XKR4: variants seen among roughly 807,000 people sequenced by gnomAD.
XKR4 encodes the protein XK related 4, also known as XK-related protein 4.
A neutral mutation model predicts 53.9 loss-of-function variants in XKR4; 12 were observed. The observed-to-expected ratio is 0.22, with a 90% CI of 0.14 to 0.36. XKR4 has a LOEUF of 0.36. Among genes scored for constraint, XKR4 ranks in the 10% least tolerant of loss-of-function variants. The probability of loss-of-function intolerance (pLI) is 1.00; values close to 1 mark genes in which losing one functional copy is unlikely to be tolerated. For synonymous variants in XKR4, 354 were observed against 362.4 expected (o/e 0.98, Z 0.26); for missense variants, 799 against 859.5 (o/e 0.93, Z 0.88).
chr8:55,235,618 C>T (rs1331933369), intron 1 of XKR4, among the ~76,000 whole-genome samples: 6 of 152,060 alleles, frequency 3.9e-5, no homozygotes, highest in Non-Finnish European at 7.4e-5. Context: ...ATTACCTTTC[C>T]CCACCACACC....
At chr8:55,298,847 C>T (rs765198882) in intron 1 of XKR4, among the ~76,000 whole-genome samples, 2 of 152,094 alleles carry the variant, frequency 1.3e-5, no homozygotes, top group Non-Finnish European at 2.9e-5. Context: ...CTGAGCTATT[C>T]GAGAATAGGT....
intron 2 of XKR4, chr8:55,450,693 TC>T (rs776646437): frequency 5.2e-6 from 3 of 582,484 alleles, no homozygotes; most frequent in South Asian, 1.6e-5. Flanking sequence ...GAATGTGGGC[TC>T]CCCCGTGGCT....
intron 1 of XKR4, chr8:55,161,546 C>T: frequency 2.2e-6 from 1 of 456,264 alleles, no homozygotes; most frequent in South Asian, 1.5e-5. Flanking sequence ...CAAAACCTCC[C>T]ACTACTGCTG....
intron 2 of XKR4, among the ~76,000 whole-genome samples, chr8:55,436,798 T>C (rs1365423958): frequency 6.6e-6 from 1 of 152,242 alleles, no homozygotes; most frequent in Non-Finnish European, 1.5e-5. Flanking sequence ...AGTGTTGGAC[T>C]TGATTATCTT....
At chr8:55,311,388 A>C (rs1333840953) in intron 1 of XKR4, among the ~76,000 whole-genome samples, 1 of 152,198 alleles carries the variant, frequency 6.6e-6, no homozygotes, top group Non-Finnish European at 1.5e-5. Flanking sequence ...AGAAATAATT[A>C]GTCAAGCAAA....
intron 2 of XKR4, among the ~76,000 whole-genome samples, chr8:55,455,318 C>A (rs1213071902): frequency 6.6e-6 from 1 of 151,872 alleles, no homozygotes; most frequent in East Asian, 1.9e-4. Context: ...CCAGCTGGCC[C>A]GCCTGGCTGT....
At chr8:55,301,679 A>G (rs1422081848) in intron 1 of XKR4, among the ~76,000 whole-genome samples, 1 of 152,118 alleles carries the variant, frequency 6.6e-6, no homozygotes, top group Non-Finnish European at 1.5e-5. Flanking sequence ...CTTTTTAATG[A>G]TCACCATTCT....
Position 55,246,330 on chromosome 8 carries a change from C to T in XKR4, c.807-111348C>T, listed in dbSNP as rs189761509. Reference sequence around the variant, plus strand: ...AATCTGAGGGCAGCCACTAGGGAAGCATAGATAGCAAGGAGAGAGAGAGAA... The same window carrying T: ...AATCTGAGGGCAGCCACTAGGGAAGTATAGATAGCAAGGAGAGAGAGAGAA... On this transcript the variant is annotated intron_variant, in intron 1 of 2. Transcript: ENST00000327381. Among the ~76,000 whole-genome samples, 80 of 152,268 alleles carry T rather than the reference C, an allele frequency of 5.3e-4. 2 individuals are homozygous for T. The highest frequency in any genetic ancestry group is 6.8e-3 in the Middle Eastern group (2 of 294).
chr8:55,281,039 G>A (rs1390603280), intron 1 of XKR4, among the ~76,000 whole-genome samples: 1 of 152,106 alleles, frequency 6.6e-6, no homozygotes, highest in East Asian at 1.9e-4. Flanking sequence ...TCTCTGGGAA[G>A]AAAGACAGGT....
chr8:55,108,957 G>A (rs1309887165), intron 1 of XKR4, among the ~76,000 whole-genome samples: 2 of 152,118 alleles, frequency 1.3e-5, no homozygotes, highest in Non-Finnish European at 1.5e-5. Flanking sequence ...AATGGCTGAT[G>A]GTACTGAGGA....
intron 1 of XKR4, among the ~76,000 whole-genome samples, chr8:55,347,193 A>G (rs542755070): frequency 1.2e-4 from 19 of 152,322 alleles, no homozygotes; most frequent in African/African-American, 4.1e-4. Flanking sequence ...CACTTAGGCC[A>G]TATTATGTTT....
At chr8:55,196,926 G>A (rs1817513990) in intron 1 of XKR4, among the ~76,000 whole-genome samples, 1 of 152,128 alleles carries the variant, frequency 6.6e-6, no homozygotes. Flanking sequence ...GAAAGGTAGC[G>A]TTGGCTCAAC....
At chr8:55,354,384 A>G (rs1057448403) in intron 1 of XKR4, among the ~76,000 whole-genome samples, 5 of 152,202 alleles carry the variant, frequency 3.3e-5, no homozygotes, top group African/African-American at 7.2e-5. Flanking sequence ...AAGCCTCCAT[A>G]CTGAGGAGAA....
intron 1 of XKR4, among the ~76,000 whole-genome samples, chr8:55,166,059 A>G (rs961666750): frequency 4.6e-5 from 7 of 152,154 alleles, no homozygotes; most frequent in African/African-American, 1.2e-4. Context: ...GAGCAGGAAA[A>G]CATACATGTA....
chr8:55,436,306 A>G (rs1265943105), intron 2 of XKR4, among the ~76,000 whole-genome samples: 3 of 152,206 alleles, frequency 2.0e-5, no homozygotes, highest in Non-Finnish European at 4.4e-5. Context: ...CTTCATTACC[A>G]CAGTCAATTA....
chr8:55,157,778 G>C (rs1000539933), intron 1 of XKR4, among the ~76,000 whole-genome samples: 1 of 152,152 alleles, frequency 6.6e-6, no homozygotes, highest in African/African-American at 2.4e-5. Flanking sequence ...TGCAGTATTT[G>C]GTTTTCTGTT....
Position 55,464,799 on chromosome 8 carries a change from A to G in XKR4, c.1007-58482A>G, listed in dbSNP as rs943148326. 2.0e-5 allele frequency among the ~76,000 whole-genome samples: 3 copies of G among 152,352 alleles called. No individual in the cohort carries two copies. The East Asian group carries it at 5.8e-4, about 29-fold the overall frequency. On this transcript the variant is annotated intron_variant, in intron 2 of 2. Transcript: ENST00000327381. ...CAACTTCAGCAAAGTCTCAGGATAC[A>G]AAATCAATGTACAAAAATCAAAAGC... is the stretch of plus-strand genomic sequence containing the variant.
chr8:55,396,404 T>TTTTTTG (rs1804519805), intron 2 of XKR4, among the ~76,000 whole-genome samples: 1 of 140,014 alleles, frequency 7.1e-6, no homozygotes, highest in Non-Finnish European at 1.5e-5. Context: ...GTTTGGTTTT[T>TTTTTTG]TTTTTTTTTT....
intron 2 of XKR4, among the ~76,000 whole-genome samples, chr8:55,399,433 G>A (rs1056247003): frequency 6.6e-6 from 1 of 152,164 alleles, no homozygotes; most frequent in Non-Finnish European, 1.5e-5. Context: ...ATAGCTCAGC[G>A]GTTACAATAA....
Sources: gnomAD v4.1 joint callset for allele counts (sites outside exome capture counted in the v4.1 genomes callset) on GRCh38, gnomAD v4.1.1 for gene constraint, MANE v1.5 for transcripts, NCBI Gene and HGNC (gene_info 2026-07-23, HGNC 2026-07-21) for gene names.